ACTR3C: variants seen among roughly 807,000 people sequenced by gnomAD.
ACTR3C encodes actin related protein 3C.
In ACTR3C, 18 loss-of-function variants were observed where a neutral mutation model predicts 26.3. That is an observed-to-expected ratio of 0.68 (90% CI 0.47 to 1.01). The LOEUF (loss-of-function observed/expected upper bound fraction) is 1.01, where lower values mean the gene tolerates loss of function less well. Among genes scored for constraint, ACTR3C ranks in the 50% least tolerant of loss-of-function variants. The pLI is 0.00. For synonymous variants in ACTR3C, 55 were observed against 94.5 expected, an observed-to-expected ratio of 0.58 and a Z score of 2.42; for missense variants, 184 against 250.7, an observed-to-expected ratio of 0.73 and a Z score of 1.80.
At chr7:150,250,197 T>C (rs1832734911) in intron 6 of ACTR3C, among the ~76,000 whole-genome samples, 1 of 145,050 alleles carries the variant, frequency 6.9e-6, no homozygotes, top group African/African-American at 2.8e-5. Flanking sequence ...AATGACAGAA[T>C]CTGACTTTTT....
the ACTR3C span, among the ~76,000 whole-genome samples, chr7:149,927,994 C>T: frequency 1.2e-4 from 18 of 152,160 alleles, no homozygotes; most frequent in South Asian, 8.3e-4. Flanking sequence ...TACAAATTGG[C>T]AATAGGCTCT....
intron 6 of ACTR3C, among the ~76,000 whole-genome samples, chr7:150,269,508 C>A (rs1834294308): frequency 6.7e-6 from 1 of 149,318 alleles, no homozygotes; most frequent in African/African-American, 2.5e-5. Flanking sequence ...GGCGTCAGCA[C>A]CGGCCCAGGG....
In ACTR3C at chr7:150,274,356, AT is replaced by A. The variant is rs67503505; in HGVS notation, c.564+10396del. ...TATCAGCATATTTTAGCAATAACAT[AT>A]TTTTTAAATGAAGGTATGTACACTG... On this transcript the variant is annotated intron_variant, in intron 6 of 7. Coordinates refer to ENST00000683684, the MANE Select transcript of ACTR3C (RefSeq NM_001164458.2). This position sits in a 1 kb window ranked among gnomAD's most constrained non-coding sequence, Gnocchi z 4.1. 6.6e-6 allele frequency among the ~76,000 whole-genome samples: 1 copy of A among 152,166 alleles called. No individual in the cohort carries two copies. The highest frequency in any genetic ancestry group is 1.5e-5 in the Non-Finnish European group (1 of 68,034).
the ACTR3C span, among the ~76,000 whole-genome samples, chr7:150,046,344 A>ACCC: frequency 2.2e-4 from 4 of 18,448 alleles, no homozygotes; most frequent in South Asian, 4.2e-3. Flanking sequence ...TCAATGTCTC[A>ACCC]CCGCCCCCCC....
At chr7:150,146,200 G>A in the ACTR3C span, among the ~76,000 whole-genome samples, 48,690 of 139,704 alleles carry the variant, frequency 0.35, 10,769 homozygotes, top group African/African-American at 0.63. Context: ...CATCACCACC[G>A]TCACTATCAT....
the ACTR3C span, among the ~76,000 whole-genome samples, chr7:150,092,757 G>C: frequency 3.3e-5 from 5 of 150,600 alleles, no homozygotes; most frequent in Admixed American, 3.3e-4. Flanking sequence ...CGGAATATGG[G>C]CTAAAGTGAT....
the ACTR3C span, among the ~76,000 whole-genome samples, chr7:149,955,229 C>T: frequency 6.6e-6 from 1 of 152,202 alleles, no homozygotes; most frequent in Non-Finnish European, 1.5e-5. Context: ...GGCCTCTGCC[C>T]TTCAAGTTTA....
At chr7:150,222,860 T>C in the ACTR3C span, among the ~76,000 whole-genome samples, 30 of 152,372 alleles carry the variant, frequency 2.0e-4, no homozygotes, top group Admixed American at 2.0e-3. Context: ...AACAGCAATT[T>C]TTTCTTCCAT....
At chr7:150,185,739 C>T in the ACTR3C span, among the ~76,000 whole-genome samples, 8 of 151,786 alleles carry the variant, frequency 5.3e-5, no homozygotes, top group East Asian at 1.5e-3. Flanking sequence ...AAACTATTCT[C>T]CTATGCCTGA....
At chr7:150,148,819 A>G in the ACTR3C span, among the ~76,000 whole-genome samples, 16 of 152,052 alleles carry the variant, frequency 1.1e-4, 1 homozygote, top group Non-Finnish European at 2.4e-4. Context: ...ATGGTACCTA[A>G]ATGTTTACTT....
At chr7:149,909,270 A>G in the ACTR3C span, among the ~76,000 whole-genome samples, 1 of 148,144 alleles carries the variant, frequency 6.8e-6, no homozygotes, top group South Asian at 2.1e-4. Context: ...TCCACCAAAA[A>G]AAAAAAAAAG....
At chr7:150,132,819 C>T in the ACTR3C span, among the ~76,000 whole-genome samples, 3 of 152,256 alleles carry the variant, frequency 2.0e-5, no homozygotes, top group South Asian at 2.1e-4. Flanking sequence ...TGCAGCACTA[C>T]TCACAATAGC....
chr7:149,918,598 G>C, the ACTR3C span, among the ~76,000 whole-genome samples: 10 of 152,326 alleles, frequency 6.6e-5, no homozygotes, highest in African/African-American at 9.6e-5. Context: ...GCTGAGACAG[G>C]AGAATTGCTT....
chr7:150,100,792 C>G, the ACTR3C span, among the ~76,000 whole-genome samples: 4 of 151,332 alleles, frequency 2.6e-5, no homozygotes, highest in African/African-American at 9.8e-5. Context: ...TAACCTCCCC[C>G]TCCCCGGGCT....
chr7:150,181,460 A>G, the ACTR3C span, among the ~76,000 whole-genome samples: 1 of 150,724 alleles, frequency 6.6e-6, no homozygotes, highest in African/African-American at 2.5e-5. Flanking sequence ...GGTAGCACAC[A>G]CACCAGTAGT....
the ACTR3C span, among the ~76,000 whole-genome samples, chr7:150,115,004 A>G: frequency 3.3e-5 from 5 of 152,078 alleles, no homozygotes; most frequent in Admixed American, 1.3e-4. Context: ...TGTTTCAGAG[A>G]GATACAGAAA....
At chr7:149,884,949 T>C in the ACTR3C span, among the ~76,000 whole-genome samples, 1 of 152,176 alleles carries the variant, frequency 6.6e-6, no homozygotes, top group Non-Finnish European at 1.5e-5. Flanking sequence ...ACTGAAGCCC[T>C]CGAAGACAGG....
At chr7:150,049,425 G>C in the ACTR3C span, among the ~76,000 whole-genome samples, 1 of 152,234 alleles carries the variant, frequency 6.6e-6, no homozygotes, top group Non-Finnish European at 1.5e-5. Context: ...ACCCGCCCCT[G>C]CCCATTCCGC....
chr7:150,071,315 G>A, the ACTR3C span, among the ~76,000 whole-genome samples: 8 of 141,842 alleles, frequency 5.6e-5, no homozygotes, highest in East Asian at 2.1e-4. Flanking sequence ...TAGTAGAGAC[G>A]GGGTTTCACC....
Sources: gnomAD v4.1 joint callset for allele counts (sites outside exome capture counted in the v4.1 genomes callset) on GRCh38, gnomAD v4.1.1 for gene constraint, Gnocchi (gnomAD v3.1) non-coding constraint, MANE v1.5 for transcripts, NCBI Gene and HGNC (gene_info 2026-07-23, HGNC 2026-07-21) for gene names.